The following TGM2 variants were observed in gnomAD, a reference collection of about 807,000 sequenced individuals.
The protein encoded by TGM2 is protein-glutamine gamma-glutamyltransferase 2.
Under a neutral mutation model 75.6 loss-of-function variants are expected in TGM2, and 53 were observed. The observed-to-expected ratio is 0.70, with a 90% CI of 0.56 to 0.88. TGM2 has a LOEUF of 0.88. TGM2 is among the 40% of genes least tolerant of loss of function. TGM2 has a pLI of 0.00. For synonymous variants in TGM2, 374 were observed against 381.1 expected, an observed-to-expected ratio of 0.98 and a Z score of 0.22; for missense variants, 842 against 928.5, an observed-to-expected ratio of 0.91 and a Z score of 1.21.
chr20:38,130,440 G>T, intron 12 of TGM2, 71 bp from the exon 13 acceptor site: 3 of 1,499,256 alleles, frequency 2.0e-6, no homozygotes, highest in South Asian at 1.2e-5. Flanking sequence ...GTCCAGCCAG[G>T]AAGTCACGTG....
intron 3 of TGM2, among the ~76,000 whole-genome samples, chr20:38,152,163 A>G (rs1270835058): frequency 1.3e-5 from 2 of 152,178 alleles, no homozygotes; most frequent in African/African-American, 4.8e-5. Context: ...ATTTTAAATT[A>G]CATTAAAACA....
rs2075065736 is a variant in TGM2, at chr20:38,147,956, C to T, written c.681+5G>A. ...GCCCCTGGATGGGCCATGCCACTCA[C>T]TCACCATGCCACTCACCACCCGGCC... On this transcript the variant is annotated splice_donor_5th_base_variant and intron_variant, in intron 5 of 12. Coordinates refer to ENST00000361475, the MANE Select transcript of TGM2 (RefSeq NM_004613.4). 1 of 1,609,104 alleles carries T rather than the reference C, an allele frequency of 6.2e-7. No homozygotes were observed. The highest frequency in any genetic ancestry group is 8.5e-7 in the Non-Finnish European group (1 of 1,178,520).
chr20:38,154,078 A>G (rs1309998026), intron 3 of TGM2, among the ~76,000 whole-genome samples: 1 of 152,092 alleles, frequency 6.6e-6, no homozygotes, highest in Non-Finnish European at 1.5e-5. Flanking sequence ...TCAGCCTCTC[A>G]AAGTGCCGGG....
intron 3 of TGM2, among the ~76,000 whole-genome samples, chr20:38,152,181 G>T (rs757700206): frequency 6.6e-6 from 1 of 151,240 alleles, no homozygotes; most frequent in Non-Finnish European, 1.5e-5. Flanking sequence ...ACATGTTCAC[G>T]GGCCCCTAAG....
At chr20:38,149,235 C>G (rs562861450) in intron 4 of TGM2, among the ~76,000 whole-genome samples, 4 of 152,326 alleles carry the variant, frequency 2.6e-5, no homozygotes, top group East Asian at 3.9e-4. Context: ...AAGCCCAGCT[C>G]AAATATTCCC....
chr20:38,154,680 G>T (rs541450140), intron 3 of TGM2, among the ~76,000 whole-genome samples: 1 of 152,294 alleles, frequency 6.6e-6, no homozygotes, highest in Non-Finnish European at 1.5e-5. Context: ...TGAGAGGCCC[G>T]ACTGAGATAG....
At position 38,151,054 on chromosome 20, in the gene TGM2, T is replaced by A. The variant is rs374344948; in HGVS notation, c.437A>T (p.Asp146Val). The stretch of plus-strand genomic sequence containing the variant: ...CTCTTCCGAGTCCAGGTACACAGCA[T>A]CCGCTGCAGGCAGGAAGAAAGGGAC... ...ILLFNAWCPADAVYLDSEEER... is the reference protein window; with the variant it reads ...ILLFNAWCPAVAVYLDSEEER... Residue 146 changes from aspartate (D) to valine (V), a missense_variant, in exon 4 of 13, where the codon GAT (aspartate) becomes GTT (valine). Physicochemically the swap from Asp to Val is radical, Grantham distance 152. Transcript: ENST00000361475. 2 of 1,613,028 alleles carry A rather than the reference T, an allele frequency of 1.2e-6. No individual in the cohort carries two copies. Among genetic ancestry groups the A allele is most frequent in the South Asian group, 1.1e-5 (1 of 91,066 alleles).
chr20:38,155,794 G>A, intron 3 of TGM2, 53 bp downstream of exon 3: 1 of 1,559,432 alleles, frequency 6.4e-7, no homozygotes, highest in Non-Finnish European at 8.7e-7. Context: ...TCCTCCATGG[G>A]CGGATCCAGC....
chr20:38,138,520 G>C, intron 9 of TGM2, 135 bp from the exon 10 acceptor site: 1 of 1,518,298 alleles, frequency 6.6e-7, no homozygotes, highest in South Asian at 1.2e-5. Flanking sequence ...CTACATTTCT[G>C]GGCCAGAAGG....
chr20:38,156,796 G>A (rs544339737), intron 2 of TGM2, among the ~76,000 whole-genome samples: 42 of 152,328 alleles, frequency 2.8e-4, no homozygotes, highest in African/African-American at 9.6e-4. Flanking sequence ...TTGCCCAGGT[G>A]AGAAAACTGA....
intron 5 of TGM2, among the ~76,000 whole-genome samples, chr20:38,147,697 A>T (rs1243484753): frequency 1.3e-5 from 2 of 151,952 alleles, no homozygotes; most frequent in African/African-American, 4.8e-5. Context: ...GGACTTGCAC[A>T]CAGCTGTCTC....
At chr20:38,167,023 G>A (rs914261539), upstream of TGM2, among the ~76,000 whole-genome samples, 11 of 152,132 alleles carry the variant, frequency 7.2e-5, no homozygotes, top group African/African-American at 2.4e-4. Context: ...CAAAATGGGG[G>A]AAAGAATCCC....
At chr20:38,155,803 G>C in intron 3 of TGM2, 44 bp downstream of exon 3, 1 of 1,571,850 alleles carries the variant, frequency 6.4e-7, no homozygotes, top group Non-Finnish European at 8.6e-7. Context: ...GGCGGATCCA[G>C]CCCTGCCCAC....
intron 9 of TGM2, 127 bp from the exon 10 acceptor site, chr20:38,138,512 A>G: frequency 6.4e-7 from 1 of 1,554,368 alleles, no homozygotes; most frequent in Non-Finnish European, 8.7e-7. Context: ...CCCCTTCTCT[A>G]CATTTCTGGG....
In TGM2 at chr20:38,146,750, G is replaced by A; in HGVS notation, c.826C>T (p.Gln276Ter). 2 of 1,613,754 alleles carry A rather than the reference G, an allele frequency of 1.2e-6. No individual in the cohort carries two copies. The highest frequency in any genetic ancestry group is 1.7e-6 in the Non-Finnish European group (2 of 1,179,916). Residue 276 changes from glutamine (Q) to a stop codon, truncating the protein, a stop_gained, in exon 6 of 13, where the codon CAG becomes TAG. Coordinates refer to ENST00000361475, the MANE Select transcript of TGM2 (RefSeq NM_004613.4). LOFTEE classifies it high-confidence loss of function. ...NHGCQRVKYG[Q>*]CWVFAAVACT... is the part of the protein sequence containing the mutation. Reference sequence around the variant, plus strand: ...GCCACGGCGGCGAAGACCCAGCACTGGCCATACTTGACGCGCTGGCAGCCG... The same window carrying A: ...GCCACGGCGGCGAAGACCCAGCACTAGCCATACTTGACGCGCTGGCAGCCG...
rs200551434 is a variant in TGM2, at chr20:38,147,977, C to T, written c.665G>A (p.Arg222Gln). ...CTCACTCACCATGCCACTCACCACC[C>T]GGCCCACGTAGACGGGGCTGCTGCG... ...SRRSSPVYVG[R>Q]VVSGMVNCND... The change falls in exon 5 of 13, where the codon CGG becomes CAG. Residue 222 changes from arginine (R) to glutamine (Q), a missense_variant. Coordinates refer to ENST00000361475, the MANE Select transcript of TGM2 (RefSeq NM_004613.4). The T allele has an allele frequency of 1.7e-4, 279 of 1,612,074 alleles. 3 individuals are homozygous for T. The South Asian group carries it at 2.0e-3, about 12-fold the overall frequency.
chr20:38,147,778 G>A (rs927200124), intron 5 of TGM2, among the ~76,000 whole-genome samples, 183 bp downstream of exon 5: 4 of 152,162 alleles, frequency 2.6e-5, no homozygotes, highest in East Asian at 1.9e-4. Flanking sequence ...ATTGCTCTGG[G>A]GGACCCCATA....
In TGM2 at chr20:38,161,600, C is replaced by T; in HGVS notation, c.11-1G>A. 6.2e-7 allele frequency: 1 copy of T among 1,614,158 alleles called. No individual in the cohort carries two copies. Among genetic ancestry groups the T allele is most frequent in the Non-Finnish European group, 8.5e-7 (1 of 1,180,030 alleles). On this transcript the variant is annotated splice_acceptor_variant, in intron 1 of 12. Coordinates refer to ENST00000361475, the MANE Select transcript of TGM2 (RefSeq NM_004613.4). LOFTEE classifies it high-confidence loss of function. ...AGATCACACCTCTCTAAGACCAGCT[C>T]TATGGAAACAGAAGGAGACGCATGA...
chr20:38,167,863 G>A (rs2075322964), upstream of TGM2, among the ~76,000 whole-genome samples: 1 of 152,142 alleles, frequency 6.6e-6, no homozygotes, highest in Admixed American at 6.5e-5. Context: ...CCTCCTCACT[G>A]TGTAGCCATG....
Sources: allele counts gnomAD v4.1 joint callset (sites outside exome capture counted in the v4.1 genomes callset), GRCh38; gene constraint gnomAD v4.1.1; transcripts MANE v1.5; gene names NCBI Gene and HGNC (gene_info 2026-07-23, HGNC 2026-07-21).